Variants in AOPEP observed in about 807,000 individuals in gnomAD.
The protein encoded by AOPEP is aminopeptidase O.
AOPEP carries 77 observed loss-of-function variants against 98.1 expected under a neutral mutation model. The observed-to-expected ratio is 0.78, with a 90% CI of 0.65 to 0.95. The LOEUF (loss-of-function observed/expected upper bound fraction) is 0.95. Ranked by LOEUF, AOPEP falls within the 40% of genes least tolerant of loss-of-function variation. The probability of loss-of-function intolerance (pLI) is 0.00; values close to 1 mark genes in which losing one functional copy is unlikely to be tolerated. For missense variants in AOPEP, 1,024 were observed against 1,024.7 expected (o/e 1.00, Z 0.01); for synonymous variants, 346 against 365.3 (o/e 0.95, Z 0.60).
At chr9:94,935,175 G>A (rs1346609143) in intron 7 of AOPEP, 1 of 152,138 alleles carries the variant, frequency 6.6e-6, no homozygotes, top group Non-Finnish European at 1.5e-5. Context: ...ATTTAAAAGT[G>A]TGTGGCACCT....
intron 9 of AOPEP, among the ~76,000 whole-genome samples, chr9:94,964,691 G>C (rs992795906): frequency 2.7e-5 from 4 of 146,214 alleles, no homozygotes; most frequent in Non-Finnish European, 5.9e-5. Context: ...CCAGGCTGGA[G>C]TGCAATGGCG....
chr9:95,014,807 C>T (rs2062847287), intron 13 of AOPEP, among the ~76,000 whole-genome samples: 1 of 152,170 alleles, frequency 6.6e-6, no homozygotes, highest in African/African-American at 2.4e-5. Context: ...CATAGAGAAA[C>T]ACTGGAAAAA....
At chr9:95,054,083 G>T (rs576218840) in intron 13 of AOPEP, among the ~76,000 whole-genome samples, 2 of 152,142 alleles carry the variant, frequency 1.3e-5, no homozygotes, top group African/African-American at 2.4e-5. Flanking sequence ...GAAAAGTTAG[G>T]AATATTCTGA....
intron 5 of AOPEP, among the ~76,000 whole-genome samples, chr9:94,915,046 A>G (rs115493085): frequency 4.3e-4 from 66 of 152,270 alleles, no homozygotes; most frequent in African/African-American, 1.5e-3. Context: ...GATCAAGCAA[A>G]ACATGTGTAT....
At chr9:95,087,398 G>T (rs950230565), downstream of AOPEP, among the ~76,000 whole-genome samples, 1 of 134,478 alleles carries the variant, frequency 7.4e-6, no homozygotes, top group African/African-American at 2.8e-5. Context: ...CAGGAGAATC[G>T]CTTGAACCCA....
At chr9:95,123,856 A>G in the AOPEP span, 19 of 609,796 alleles carry the variant, frequency 3.1e-5, no homozygotes, top group South Asian at 7.1e-5. Context: ...AACCCCCACC[A>G]AAGCCCACGT....
intron 5 of AOPEP, among the ~76,000 whole-genome samples, chr9:94,850,698 T>A (rs2043450169): frequency 6.6e-6 from 1 of 152,184 alleles, no homozygotes. Flanking sequence ...AGTCCCACTG[T>A]CTTACTTGCT....
At chr9:95,106,764 G>T in the AOPEP span, among the ~76,000 whole-genome samples, 476 of 152,318 alleles carry the variant, frequency 3.1e-3, 2 homozygotes, top group African/African-American at 0.011. Context: ...CACTGCGATG[G>T]AAAGAAATGT....
the AOPEP span, among the ~76,000 whole-genome samples, chr9:95,121,799 C>CAT: frequency 3.3e-5 from 5 of 151,562 alleles, no homozygotes; most frequent in Non-Finnish European, 5.9e-5. Flanking sequence ...TTTAGGCAGT[C>CAT]ATATATATGT....
At chr9:95,061,506 C>T (rs1266089259) in intron 14 of AOPEP, among the ~76,000 whole-genome samples, 2 of 152,128 alleles carry the variant, frequency 1.3e-5, no homozygotes, top group Admixed American at 6.5e-5. Context: ...CAGCCATTAG[C>T]CATGTGTGGC....
At chr9:94,748,265 G>T (rs1438998595) in intron 1 of AOPEP, among the ~76,000 whole-genome samples, 2 of 152,108 alleles carry the variant, frequency 1.3e-5, no homozygotes, top group South Asian at 2.1e-4. Context: ...TCCTCTGTGT[G>T]TAATATGTCA....
intron 5 of AOPEP, among the ~76,000 whole-genome samples, chr9:94,861,362 A>T (rs1182325836): frequency 6.6e-6 from 1 of 152,214 alleles, no homozygotes; most frequent in African/African-American, 2.4e-5. Flanking sequence ...AGAAATGGTG[A>T]TGGGCAGAAA....
At chr9:94,874,458 A>T (rs1246594322) in intron 5 of AOPEP, among the ~76,000 whole-genome samples, 1 of 152,182 alleles carries the variant, frequency 6.6e-6, no homozygotes, top group East Asian at 1.9e-4. Context: ...AAGAACTTTC[A>T]AGCACTTTTG....
intron 2 of AOPEP, chr9:94,763,217 A>G: frequency 2.9e-6 from 1 of 347,452 alleles, no homozygotes; most frequent in Non-Finnish European, 6.0e-6. Context: ...TCTTCACGTC[A>G]CTTACTGTAT....
chr9:94,758,196 C>T (rs896075414), intron 1 of AOPEP, among the ~76,000 whole-genome samples: 4 of 152,170 alleles, frequency 2.6e-5, no homozygotes, highest in African/African-American at 4.8e-5. Flanking sequence ...GAGCCAGGAG[C>T]GCTCCAGGTC....
chr9:94,880,970 C>T (rs933245298), intron 5 of AOPEP, among the ~76,000 whole-genome samples: 3 of 152,180 alleles, frequency 2.0e-5, no homozygotes, highest in Non-Finnish European at 4.4e-5. Context: ...TTGGATACTA[C>T]ACCTACACAA....
chr9:94,819,023 T>A (rs1307427686), intron 5 of AOPEP, among the ~76,000 whole-genome samples: 2 of 151,942 alleles, frequency 1.3e-5, no homozygotes, highest in African/African-American at 4.8e-5. Context: ...ACAAAAAAAA[T>A]AAAAAGAAAT....
At chr9:95,038,493 C>G (rs1432511859) in intron 13 of AOPEP, among the ~76,000 whole-genome samples, 1 of 152,206 alleles carries the variant, frequency 6.6e-6, no homozygotes, top group African/African-American at 2.4e-5. Flanking sequence ...CTATAGCAAA[C>G]AAATCCAGGC....
chr9:95,124,465 C>T, the AOPEP span, among the ~76,000 whole-genome samples: 6 of 152,154 alleles, frequency 3.9e-5, no homozygotes, highest in Non-Finnish European at 8.8e-5. Flanking sequence ...CTGCTGGGGA[C>T]GTGGAGCACA....
Sources: gnomAD v4.1 joint callset for allele counts (sites outside exome capture counted in the v4.1 genomes callset) on GRCh38, gnomAD v4.1.1 for gene constraint, MANE v1.5 for transcripts, NCBI Gene and HGNC (gene_info 2026-07-23, HGNC 2026-07-21) for gene names.